Variants in MYH11 observed in about 807,000 individuals in gnomAD.
MYH11 encodes the protein myosin heavy chain 11, also known as myosin-11.
Under a neutral mutation model 246.6 loss-of-function variants are expected in MYH11, and 80 were observed. The ratio of observed to expected loss-of-function variants is 0.32; its 90% CI spans 0.27 to 0.39. The LOEUF (loss-of-function observed/expected upper bound fraction) is 0.39, where lower values mean the gene tolerates loss of function less well. Among genes scored for constraint, MYH11 ranks in the 10% least tolerant of loss-of-function variants. The probability of loss-of-function intolerance (pLI) is 1.00; values close to 1 mark genes in which losing one functional copy is unlikely to be tolerated. For missense variants in MYH11, 2,158 were observed against 2,546.8 expected (o/e 0.85, Z 3.29); for synonymous variants, 1,071 against 1,015.5 (o/e 1.05, Z -1.04).
intron 3 of MYH11, among the ~76,000 whole-genome samples, chr16:15,815,727 A>G (rs1180682775): frequency 2.0e-5 from 3 of 152,328 alleles, no homozygotes; most frequent in African/African-American, 7.2e-5. Flanking sequence ...AAGTCCCATC[A>G]TCCTGAATAG....
chr16:15,815,249 T>C (rs1427152542), intron 3 of MYH11, among the ~76,000 whole-genome samples: 3 of 152,110 alleles, frequency 2.0e-5, no homozygotes, highest in Non-Finnish European at 4.4e-5. Flanking sequence ...TCCACTAATA[T>C]GACAGACAGA....
At chr16:15,720,743 A>G in intron 33 of MYH11, 96 bp downstream of exon 33, 1 of 1,296,558 alleles carries the variant, frequency 7.7e-7, no homozygotes. Flanking sequence ...AAAAAAAAAT[A>G]AAGAAAACGA....
intron 32 of MYH11, 72 bp downstream of exon 32, chr16:15,721,350 C>T (rs2040469835): frequency 2.6e-6 from 4 of 1,516,778 alleles, no homozygotes; most frequent in Non-Finnish European, 3.7e-6. Flanking sequence ...GCTAGCCTCG[C>T]ATGGACTGGT....
intron 40 of MYH11, among the ~76,000 whole-genome samples, chr16:15,705,532 T>G (rs948145331): frequency 6.6e-6 from 1 of 152,182 alleles, no homozygotes; most frequent in African/African-American, 2.4e-5. Flanking sequence ...CAAATAATTA[T>G]GTTGGGCTCT....
intron 4 of MYH11, among the ~76,000 whole-genome samples, chr16:15,797,876 G>A (rs182561937): frequency 3.2e-4 from 49 of 151,880 alleles, no homozygotes; most frequent in Admixed American, 1.2e-3. Flanking sequence ...GTATTTTTGT[G>A]GCTTTTTGTT....
At chr16:15,793,956 T>G (rs1457943460) in intron 4 of MYH11, among the ~76,000 whole-genome samples, 2 of 131,988 alleles carry the variant, frequency 1.5e-5, no homozygotes, top group Non-Finnish European at 3.2e-5. Context: ...TTTTTTTTTT[T>G]TTTTTGAGAC....
At chr16:15,770,380 T>C (rs1472787173) in intron 9 of MYH11, among the ~76,000 whole-genome samples, 1 of 152,212 alleles carries the variant, frequency 6.6e-6, no homozygotes, top group Non-Finnish European at 1.5e-5. Context: ...AGTTCTGTCC[T>C]GGTGTTCCTG....
intron 31 of MYH11, among the ~76,000 whole-genome samples, chr16:15,721,943 C>T (rs969681434): frequency 7.2e-5 from 11 of 152,048 alleles, no homozygotes; most frequent in South Asian, 2.1e-4. Flanking sequence ...CTGCAACCTC[C>T]GCCTCGTGGG....
intron 26 of MYH11, among the ~76,000 whole-genome samples, chr16:15,734,250 G>C (rs2041049623): frequency 6.6e-6 from 1 of 152,132 alleles, no homozygotes; most frequent in Non-Finnish European, 1.5e-5. Flanking sequence ...AGACAGGAAG[G>C]AATTTCTCAA....
chr16:15,826,350 G>A (rs1422126485), intron 2 of MYH11, among the ~76,000 whole-genome samples: 1 of 152,130 alleles, frequency 6.6e-6, no homozygotes, highest in Non-Finnish European at 1.5e-5. Context: ...CACTTTGGGA[G>A]GTCAAGGCAG....
intron 28 of MYH11, chr16:15,726,361 T>A (rs868653333): frequency 1.2e-5 from 2 of 163,264 alleles, no homozygotes; most frequent in African/African-American, 5.9e-5. Context: ...AAAGGAAGGG[T>A]TTTTTTTCTT....
At chr16:15,835,070 G>A (rs1433179490) in intron 2 of MYH11, among the ~76,000 whole-genome samples, 1 of 134,894 alleles carries the variant, frequency 7.4e-6, no homozygotes, top group Admixed American at 7.8e-5. Context: ...GACAGAGTAA[G>A]CCCCCATCTC....
In MYH11 at chr16:15,720,937, G is replaced by A; in HGVS notation, c.4693C>T (p.Leu1565=). The A allele has an allele frequency of 6.2e-7, 1 of 1,613,994 alleles. No individual in the cohort carries two copies. The highest frequency in any genetic ancestry group is 8.5e-7 in the Non-Finnish European group (1 of 1,180,016). Residue 1565 remains leucine, a synonymous_variant, in exon 33 of 41, where the codon CTG becomes TTG. Transcript: ENST00000300036. ...TTGAGCGCCTGCATGTTGACTTCCAGCCGCAGTTTGGCGTCCTCCGTGGCT... is the reference window on the plus strand; with the variant it reads ...TTGAGCGCCTGCATGTTGACTTCCAACCGCAGTTTGGCGTCCTCCGTGGCT... ...LQATEDAKLR[L]EVNMQALKGQ...
chr16:15,721,979 T>G (rs1318137485), intron 31 of MYH11, among the ~76,000 whole-genome samples: 1 of 152,166 alleles, frequency 6.6e-6, no homozygotes, highest in Non-Finnish European at 1.5e-5. Context: ...TGCCTCAGCC[T>G]CCAGAGTAGT....
chr16:15,713,651 C>G (rs1410662243), intron 40 of MYH11: 1 of 152,252 alleles, frequency 6.6e-6, no homozygotes. Context: ...TTGCGCCATC[C>G]CACCTGGCTG....
intron 19 of MYH11, among the ~76,000 whole-genome samples, chr16:15,745,909 CTTAT>C (rs2041406690): frequency 6.7e-6 from 1 of 149,784 alleles, no homozygotes; most frequent in South Asian, 2.1e-4. Flanking sequence ...TTCTGACTAA[CTTAT>C]TTATTTATTT....
chr16:15,714,785 T>C, intron 40 of MYH11, 124 bp downstream of exon 40: 2 of 1,235,890 alleles, frequency 1.6e-6, no homozygotes, highest in Non-Finnish European at 2.3e-6. Flanking sequence ...GAAGCAGGAA[T>C]AAACCACAGA....
rs2042189118 is a variant in MYH11, at chr16:15,775,080, T to C, written c.889+998A>G. Among the ~76,000 whole-genome samples the C allele has an allele frequency of 2.6e-5, 4 of 152,220 alleles. No homozygotes were observed. The South Asian group carries it at 6.2e-4, about 24-fold the overall frequency. On this transcript the variant is annotated intron_variant, in intron 8 of 40. Coordinates refer to ENST00000300036, the MANE Select transcript of MYH11 (RefSeq NM_002474.3). The stretch of plus-strand genomic sequence containing the variant: ...CATAGAATTTCAGACTCAAAACTTA[T>C]TACTAACATGTAGACTCTACTATGT...
Position 15,741,466 on chromosome 16 carries a change from C to A in MYH11, c.2856G>T (p.Met952Ile). 1.2e-6 allele frequency: 2 copies of A among 1,607,664 alleles called. No individual in the cohort carries two copies. Among genetic ancestry groups the A allele is most frequent in the Non-Finnish European group, 8.5e-7 (1 of 1,180,004 alleles). ...GGCTGCCCCTGTGACACCTTACCAG[C>A]ATCTGCTGGGCCATCTTCTTCCTTT... The part of the protein sequence containing the change: ...QAERKKMAQQ[M>I]LDLEEQLEEE... Residue 952 changes from methionine to isoleucine, a missense_variant, in exon 22 of 41, where the codon ATG becomes ATT. By Grantham distance (10) the Met-to-Ile change is conservative. This residue lies in a region of MYH11 where 284 missense variants were observed against 315.4 expected (regional missense o/e 0.90). Coordinates refer to ENST00000300036, the MANE Select transcript of MYH11 (RefSeq NM_002474.3).
Sources: allele counts gnomAD v4.1 joint callset (sites outside exome capture counted in the v4.1 genomes callset), GRCh38; gene constraint gnomAD v4.1.1; regional missense constraint gnomAD v4.1.1; transcripts MANE v1.5; gene names NCBI Gene and HGNC (gene_info 2026-07-23, HGNC 2026-07-21).